Variants in INPP5A observed in about 807,000 individuals in gnomAD.
INPP5A encodes the protein 43 kDa inositol polyphosphate 5-phophatase.
A neutral mutation model predicts 65.2 loss-of-function variants in INPP5A; 14 were observed. The ratio of observed to expected loss-of-function variants is 0.21; its 90% CI spans 0.14 to 0.34. The LOEUF (loss-of-function observed/expected upper bound fraction) is 0.34. INPP5A is among the 10% of genes least tolerant of loss of function. The pLI is 1.00. For missense variants in INPP5A, 431 were observed against 545.6 expected, an observed-to-expected ratio of 0.79 and a Z score of 2.09; for synonymous variants, 207 against 208.3, an observed-to-expected ratio of 0.99 and a Z score of 0.05.
chr10:132,656,457 C>T (rs2072658006), intron 4 of INPP5A, among the ~76,000 whole-genome samples: 2 of 152,228 alleles, frequency 1.3e-5, no homozygotes, highest in South Asian at 2.1e-4. Context: ...GCCAGCTGTG[C>T]CTGCTCAGAG....
chr10:132,665,728 A>C (rs1214261439), intron 4 of INPP5A, among the ~76,000 whole-genome samples: 1 of 142,410 alleles, frequency 7.0e-6, no homozygotes, highest in Admixed American at 7.0e-5. Context: ...AGGCAGATGA[A>C]TTGCTTGAGC....
At chr10:132,672,051 C>CA (rs1266800245) in intron 4 of INPP5A, among the ~76,000 whole-genome samples, 2 of 152,152 alleles carry the variant, frequency 1.3e-5, no homozygotes, top group Admixed American at 6.5e-5. Context: ...CGTTAGAGGT[C>CA]AAAATTCAGT....
intron 1 of INPP5A, among the ~76,000 whole-genome samples, chr10:132,543,688 GCTTA>G (rs1452714343): frequency 6.6e-6 from 1 of 152,274 alleles, no homozygotes; most frequent in Non-Finnish European, 1.5e-5. Context: ...AAAGTGCTGG[GCTTA>G]CAGGCATGAG....
intron 2 of INPP5A, among the ~76,000 whole-genome samples, chr10:132,626,884 C>T (rs2072191994): frequency 6.6e-6 from 1 of 152,178 alleles, no homozygotes; most frequent in Non-Finnish European, 1.5e-5. Flanking sequence ...CTGCTAGAGT[C>T]TGTTTGGCTG....
At chr10:132,720,731 A>G (rs1365497298) in intron 8 of INPP5A, among the ~76,000 whole-genome samples, 393 of 71,480 alleles carry the variant, frequency 5.5e-3, no homozygotes, top group East Asian at 0.012. Context: ...GTGGTGCCTG[A>G]GTTCTGTCTG....
chr10:132,596,769 ATGTGTGTT>A (rs2071695645), intron 1 of INPP5A, among the ~76,000 whole-genome samples: 1 of 151,626 alleles, frequency 6.6e-6, no homozygotes, highest in African/African-American at 2.4e-5. Context: ...GTATGCATGC[ATGTGTGTT>A]TGTGTGCAGG....
chr10:132,573,030 T>C (rs2071366699), intron 1 of INPP5A, among the ~76,000 whole-genome samples: 2 of 150,840 alleles, frequency 1.3e-5, no homozygotes, highest in African/African-American at 2.5e-5. Context: ...TTTGTTGCGA[T>C]GTTGGGGTGT....
At chr10:132,777,609 C>T (rs1591008478) in intron 12 of INPP5A, 62 bp from the exon 13 acceptor site, 1 of 1,467,934 alleles carries the variant, frequency 6.8e-7, no homozygotes, top group South Asian at 1.2e-5. Context: ...GCACAGCCGT[C>T]CCTTTGGGGC....
intron 9 of INPP5A, among the ~76,000 whole-genome samples, chr10:132,744,228 G>A (rs1846327508): frequency 6.6e-6 from 1 of 152,360 alleles, no homozygotes; most frequent in Non-Finnish European, 1.5e-5. Context: ...GGTTGGATGA[G>A]AAAAGTTAGT....
chr10:132,772,542 C>G (rs1846973603), intron 12 of INPP5A, among the ~76,000 whole-genome samples: 1 of 115,878 alleles, frequency 8.6e-6, no homozygotes, highest in African/African-American at 3.2e-5. Flanking sequence ...GGACACTCAG[C>G]ACTGACACAG....
intron 12 of INPP5A, among the ~76,000 whole-genome samples, chr10:132,773,425 C>G (rs185946222): frequency 1.0e-3 from 152 of 152,312 alleles, no homozygotes; most frequent in South Asian, 6.8e-3. Context: ...ACAAGTCCAA[C>G]CAGAGGTCGT....
intron 5 of INPP5A, among the ~76,000 whole-genome samples, chr10:132,696,888 C>G (rs1221224603): frequency 6.6e-6 from 1 of 152,216 alleles, no homozygotes; most frequent in Non-Finnish European, 1.5e-5. Context: ...TCCTGAAACT[C>G]CTGCCCACCC....
chr10:132,583,364 A>T (rs954372362), intron 1 of INPP5A, among the ~76,000 whole-genome samples: 2 of 152,050 alleles, frequency 1.3e-5, no homozygotes, highest in Non-Finnish European at 2.9e-5. Flanking sequence ...CCATGTGAGC[A>T]CCTTTTTCTC....
chr10:132,758,164 C>G (rs1846663685), intron 11 of INPP5A, among the ~76,000 whole-genome samples: 1 of 94,304 alleles, frequency 1.1e-5, no homozygotes, highest in African/African-American at 3.8e-5. Flanking sequence ...TGGCTGACCC[C>G]ACACCCATAG....
chr10:132,780,758 C>G, intron 13 of INPP5A, 91 bp from the exon 14 acceptor site: 3 of 1,044,310 alleles, frequency 2.9e-6, no homozygotes, highest in Non-Finnish European at 4.5e-6. Context: ...TCTCTGCCCC[C>G]ACAAAACCCT....
intron 4 of INPP5A, among the ~76,000 whole-genome samples, chr10:132,680,193 A>C (rs2073023906): frequency 6.6e-6 from 1 of 152,238 alleles, no homozygotes; most frequent in African/African-American, 2.4e-5. Context: ...AATATTTGCA[A>C]ATCAAAAATC....
chr10:132,656,128 C>G (rs751339686), intron 4 of INPP5A, among the ~76,000 whole-genome samples: 6 of 152,246 alleles, frequency 3.9e-5, no homozygotes. Context: ...CTGTCCTGAC[C>G]GGACTGAAAG....
At chr10:132,756,169 G>A (rs1260060383) in intron 11 of INPP5A, among the ~76,000 whole-genome samples, 1 of 152,224 alleles carries the variant, frequency 6.6e-6, no homozygotes, top group Admixed American at 6.5e-5. Context: ...CAAGTGTGGG[G>A]GGGGAGTGTG....
At chr10:132,693,301 G>A (rs981625136) in intron 5 of INPP5A, among the ~76,000 whole-genome samples, 4 of 152,070 alleles carry the variant, frequency 2.6e-5, no homozygotes, top group Non-Finnish European at 5.9e-5. Context: ...TACAAATATG[G>A]TAAATATTAC....
Sources: allele counts gnomAD v4.1 joint callset (sites outside exome capture counted in the v4.1 genomes callset), GRCh38; gene constraint gnomAD v4.1.1; transcripts MANE v1.5; gene names NCBI Gene and HGNC (gene_info 2026-07-23, HGNC 2026-07-21).